RNF216: variants seen among roughly 807,000 people sequenced by gnomAD.
The protein encoded by RNF216 is ring finger protein 216, also known as E3 ubiquitin-protein ligase RNF216.
In RNF216, 72 loss-of-function variants were observed where a neutral mutation model predicts 110.8. The observed-to-expected ratio is 0.65, with a 90% CI of 0.54 to 0.79. The LOEUF (loss-of-function observed/expected upper bound fraction) is 0.79, where lower values mean the gene tolerates loss of function less well. Ranked by LOEUF, RNF216 falls within the 30% of genes least tolerant of loss-of-function variation. RNF216 has a pLI of 0.00. For missense variants in RNF216, 1,342 were observed against 1,141.2 expected (o/e 1.18, Z -2.54); for synonymous variants, 495 against 407.5 (o/e 1.21, Z -2.59).
intron 13 of RNF216, among the ~76,000 whole-genome samples, chr7:5,687,394 C>T (rs1424050128): frequency 2.0e-5 from 1 of 49,898 alleles, no homozygotes; most frequent in African/African-American, 6.2e-5. Context: ...AACTCCACCT[C>T]AAAAAAAAAA....
intron 13 of RNF216, among the ~76,000 whole-genome samples, chr7:5,702,432 A>AT (rs1447434477): frequency 2.0e-5 from 3 of 152,120 alleles, no homozygotes; most frequent in Non-Finnish European, 4.4e-5. Flanking sequence ...ATGCGTATGT[A>AT]TTTTTACCTT....
intron 1 of RNF216, chr7:5,777,440 T>C (rs914719720): frequency 6.6e-5 from 10 of 152,172 alleles, no homozygotes; most frequent in African/African-American, 1.9e-4. Flanking sequence ...ATGTGTAAGA[T>C]GGCATGTAGG....
intron 8 of RNF216, among the ~76,000 whole-genome samples, chr7:5,722,820 G>A (rs999674779): frequency 1.3e-5 from 2 of 151,450 alleles, no homozygotes; most frequent in Non-Finnish European, 1.5e-5. Context: ...TTAGGAGTTC[G>A]AGACCAACCT....
At chr7:5,720,170 G>T (rs1330342781) in intron 9 of RNF216, among the ~76,000 whole-genome samples, 1 of 152,118 alleles carries the variant, frequency 6.6e-6, no homozygotes. Flanking sequence ...AGCAAATATA[G>T]CTGAGCTTGA....
intron 13 of RNF216, among the ~76,000 whole-genome samples, chr7:5,676,962 G>A (rs889553943): frequency 6.6e-6 from 1 of 152,144 alleles, no homozygotes; most frequent in Non-Finnish European, 1.5e-5. Context: ...CCATAGGGAA[G>A]GGTTATTGTT....
chr7:5,696,435 C>T lies in RNF216; in HGVS notation c.2061+15326G>A, dbSNP rs1791634076. Among the ~76,000 whole-genome samples, 1 of 152,122 alleles carries T rather than the reference C, an allele frequency of 6.6e-6. No individual in the cohort carries two copies. The highest frequency in any genetic ancestry group is 1.5e-5 in the Non-Finnish European group (1 of 68,020). ...CATGGTTTCCTCCTTATGTAAAGCA[C>T]CTGAGGACTAAAACAAATTCACTGG... On this transcript the variant is annotated intron_variant, in intron 13 of 16. Coordinates refer to ENST00000389902, the MANE Select transcript of RNF216 (RefSeq NM_207111.4). The surrounding 1 kb of genome is among the most constrained non-coding windows in gnomAD (Gnocchi z 5.4).
intron 13 of RNF216, among the ~76,000 whole-genome samples, chr7:5,673,314 AGCTGCTGTTCAAGAACAG>A (rs1253538466): frequency 1.3e-5 from 2 of 152,186 alleles, no homozygotes; most frequent in Admixed American, 6.5e-5. Flanking sequence ...CTGTCAGTGG[AGCTGCTGTTCAAGAACAG>A]GCTCGACAGA....
intron 13 of RNF216, among the ~76,000 whole-genome samples, chr7:5,676,884 C>A (rs1790332932): frequency 6.6e-6 from 1 of 152,194 alleles, no homozygotes; most frequent in Non-Finnish European, 1.5e-5. Context: ...AGGTGTGCAT[C>A]CAGCTGGGGC....
chr7:5,752,199 A>C (rs1366357415), intron 3 of RNF216, among the ~76,000 whole-genome samples: 1 of 152,162 alleles, frequency 6.6e-6, no homozygotes, highest in Non-Finnish European at 1.5e-5. Flanking sequence ...AATAAAAAAA[A>C]TGAAAGTACA....
In RNF216 at chr7:5,621,304, A is replaced by C. The variant is rs1014729626; in HGVS notation, c.*1556T>G. ...ATTCTCCTGCCTCAGCCTCCTGAGTACCTGGGATTATAGGCATGCGCCACC... is the reference window on the plus strand; with the variant it reads ...ATTCTCCTGCCTCAGCCTCCTGAGTCCCTGGGATTATAGGCATGCGCCACC... On this transcript the variant is annotated 3_prime_UTR_variant, in exon 17 of 17. Transcript: ENST00000389902. 2 of 151,686 alleles carry C rather than the reference A, an allele frequency of 1.3e-5. No homozygotes were observed. Among genetic ancestry groups the C allele is most frequent in the Non-Finnish European group, 2.9e-5 (2 of 68,120 alleles). 9.4% of individuals were successfully genotyped at this position (151,686 alleles called of 1,614,324 possible). A position where few individuals can be genotyped will look rare whatever the true frequency, so the allele number is the denominator to read the frequency against.
In RNF216 at chr7:5,744,638, AAAAC is replaced by A. The variant is rs199847664; in HGVS notation, c.202-2827_202-2824del. ...AATACATTGGTTCTGAAGACTCTAC[AAAAC>A]AAACAAACAAACAAAAAACAACCCT... is the stretch of plus-strand genomic sequence containing the variant. On this transcript the variant is annotated intron_variant, in intron 3 of 16. Transcript: ENST00000389902. Among the ~76,000 whole-genome samples the A allele has an allele frequency of 8.1e-3, 1,228 of 152,294 alleles. 15 individuals are homozygous for A. Among genetic ancestry groups the A allele is most frequent in the African/African-American group, 0.028 (1,172 of 41,546 alleles).
At chr7:5,694,811 T>C (rs114433773) in intron 13 of RNF216, among the ~76,000 whole-genome samples, 2,142 of 152,338 alleles carry the variant, frequency 0.014, 39 homozygotes, top group African/African-American at 0.048. Flanking sequence ...TCTCTCAAAG[T>C]GTTCTAGGTG....
chr7:5,678,101 C>T (rs570466586), intron 13 of RNF216, among the ~76,000 whole-genome samples: 12 of 152,086 alleles, frequency 7.9e-5, no homozygotes, highest in Non-Finnish European at 1.5e-4. Context: ...CAATGCCTGA[C>T]GCCCCACTGT....
At chr7:5,713,682 CA>C (rs1792863858) in intron 11 of RNF216, among the ~76,000 whole-genome samples, 2 of 152,214 alleles carry the variant, frequency 1.3e-5, no homozygotes, top group East Asian at 3.9e-4. Context: ...TTAACATGAA[CA>C]AAAAGTGTCA....
At chr7:5,686,068 C>T (rs1488009829) in intron 13 of RNF216, among the ~76,000 whole-genome samples, 1 of 151,442 alleles carries the variant, frequency 6.6e-6, no homozygotes, top group African/African-American at 2.4e-5. Context: ...ACTAAAAATG[C>T]AAAAATTAGC....
intron 14 of RNF216, among the ~76,000 whole-genome samples, chr7:5,642,923 GGGCT>G (rs1584362777): frequency 6.6e-6 from 1 of 152,066 alleles, no homozygotes; most frequent in Admixed American, 6.6e-5. Flanking sequence ...CAGTTGCCTG[GGGCT>G]GGCTGACTTT....
At chr7:5,640,069 T>G (rs1420242751) in intron 15 of RNF216, among the ~76,000 whole-genome samples, 1 of 151,836 alleles carries the variant, frequency 6.6e-6, no homozygotes, top group Non-Finnish European at 1.5e-5. Flanking sequence ...AATTTTTTTT[T>G]TTTTTTTTAA....
intron 13 of RNF216, among the ~76,000 whole-genome samples, chr7:5,664,036 AC>A (rs1273480878): frequency 6.6e-6 from 1 of 152,204 alleles, no homozygotes; most frequent in African/African-American, 2.4e-5. Flanking sequence ...CAACCACCGT[AC>A]ATCTCAGGTA....
chr7:5,681,908 G>C (rs191225681), intron 13 of RNF216, among the ~76,000 whole-genome samples: 1 of 152,316 alleles, frequency 6.6e-6, no homozygotes, highest in African/African-American at 2.4e-5. Context: ...GCCCCTAAGG[G>C]TGGTAACCCC....
Sources: gnomAD v4.1 joint callset for allele counts (sites outside exome capture counted in the v4.1 genomes callset) on GRCh38, gnomAD v4.1.1 for gene constraint, Gnocchi (gnomAD v3.1) non-coding constraint, MANE v1.5 for transcripts, NCBI Gene and HGNC (gene_info 2026-07-23, HGNC 2026-07-21) for gene names.